Variants in PAGR1 observed in about 807,000 individuals in gnomAD.
The protein encoded by PAGR1 is PAXIP1 associated glutamate rich protein 1, also known as PAXIP1-associated glutamate-rich protein 1.
A neutral mutation model predicts 22.4 loss-of-function variants in PAGR1; 20 were observed. That is an observed-to-expected ratio of 0.89 (90% CI 0.63 to 1.30). PAGR1 has a LOEUF of 1.30. PAGR1 is among the 50% of genes most tolerant of loss of function. The probability of loss-of-function intolerance (pLI) is 0.00; values close to 1 mark genes in which losing one functional copy is unlikely to be tolerated. For synonymous variants in PAGR1, 161 were observed against 148.3 expected, an observed-to-expected ratio of 1.09 and a Z score of -0.62; for missense variants, 338 against 343.6, an observed-to-expected ratio of 0.98 and a Z score of 0.13.
In PAGR1 at chr16:29,821,949, G is replaced by A. The variant is rs1014054862; in HGVS notation, c.*2195G>A. Among the ~76,000 whole-genome samples the A allele has an allele frequency of 4.6e-5, 7 of 152,178 alleles. No individual in the cohort carries two copies. The highest frequency in any genetic ancestry group is 1.2e-4 in the African/African-American group (5 of 41,444). On this transcript the variant is annotated 3_prime_UTR_variant, in exon 3 of 3. Coordinates refer to ENST00000320330, the MANE Select transcript of PAGR1 (RefSeq NM_024516.4). ...GGTTAAGAATTCCAGCCTAGGGCTGGATGCGGTGGCTCAGGCCTGTAATCC... is the reference window on the plus strand; with the variant it reads ...GGTTAAGAATTCCAGCCTAGGGCTGAATGCGGTGGCTCAGGCCTGTAATCC...
chr16:29,821,581 C>T lies in PAGR1; in HGVS notation c.*1827C>T, dbSNP rs1411891310. On this transcript the variant is annotated 3_prime_UTR_variant, in exon 3 of 3. Coordinates refer to ENST00000320330, the MANE Select transcript of PAGR1 (RefSeq NM_024516.4). ...CCATCTGGGCAGTACACAGCCCCAC[C>T]CAGGTCCTCTAGTTCTTGTTCTCGG... Among the ~76,000 whole-genome samples, 1 of 152,182 alleles carries T rather than the reference C, an allele frequency of 6.6e-6. No homozygotes were observed. Among genetic ancestry groups the T allele is most frequent in the East Asian group, 1.9e-4 (1 of 5,196 alleles).
At position 29,816,703 on chromosome 16, in the gene PAGR1, G is replaced by C; in HGVS notation, c.178G>C (p.Glu60Gln). 2 of 1,608,024 alleles carry C rather than the reference G, an allele frequency of 1.2e-6. No homozygotes were observed. The highest frequency in any genetic ancestry group is 2.2e-5 in the South Asian group (2 of 90,838). Residue 60 changes from glutamate to glutamine, a missense_variant, in exon 1 of 3, where the codon GAG becomes CAG. Around this residue, in one of 3 missense-constraint regions of PAGR1, gnomAD observed 235 missense variants for 216.0 expected, o/e 1.09. Transcript: ENST00000320330. ...AGGAGGCCGAGAGGAGACCGAGCGTGAGGGGTCCGGGGGCGAGGAGGCGCA... is the reference window on the plus strand; with the variant it reads ...AGGAGGCCGAGAGGAGACCGAGCGTCAGGGGTCCGGGGGCGAGGAGGCGCA... ...GEGGREETER[E>Q]GSGGEEAQGE...
At chr16:29,819,500 G>A (rs1261189314) in intron 2 of PAGR1, 55 bp from the exon 3 acceptor site, 1 of 1,581,286 alleles carries the variant, frequency 6.3e-7, no homozygotes, top group African/African-American at 1.3e-5. Context: ...GTCCAGGCAG[G>A]TATGGTGTAC....
rs1900332916 is a variant in PAGR1 at position 29,820,076 on chromosome 16, C to T, written c.*322C>T. On this transcript the variant is annotated 3_prime_UTR_variant, in exon 3 of 3. Coordinates refer to ENST00000320330, the MANE Select transcript of PAGR1 (RefSeq NM_024516.4). Reference sequence around the variant, plus strand: ...TATTCAGAGACCTGGACTGAATTTTCTGAGTCTGAAATAAAAGATGCAGAG... The same window carrying T: ...TATTCAGAGACCTGGACTGAATTTTTTGAGTCTGAAATAAAAGATGCAGAG... 2.2e-5 allele frequency: 6 copies of T among 270,890 alleles called. No individual in the cohort carries two copies. In the East Asian group the frequency reaches 4.1e-4, roughly 19 times the overall value. The allele number at this position is 270,890 out of a possible 1,614,324, so 16.8% of individuals were successfully genotyped here. A position where few individuals can be genotyped will look rare whatever the true frequency, so the allele number is the denominator to read the frequency against.
In PAGR1 at chr16:29,816,806, A is replaced by AGGAGGT; in HGVS notation, c.286_291dup (p.Val96_Glu97dup). On this transcript the variant is annotated inframe_insertion, in exon 1 of 3. Coordinates refer to ENST00000320330, the MANE Select transcript of PAGR1 (RefSeq NM_024516.4). ...GACTGGTGCGTGCCCTGCAGCGACGAGGAGGTGGAGCTGCCTGCGGATGGG... is the reference window on the plus strand; with the variant it reads ...GACTGGTGCGTGCCCTGCAGCGACGAGGAGGTGGAGGTGGAGCTGCCTGCGGATGGG... 1 of 1,568,826 alleles carries AGGAGGT rather than the reference A, an allele frequency of 6.4e-7. No individual in the cohort carries two copies. Among genetic ancestry groups the AGGAGGT allele is most frequent in the Non-Finnish European group, 8.6e-7 (1 of 1,157,270 alleles).
chr16:29,818,444 C>T (rs912299675), intron 2 of PAGR1: 1 of 152,232 alleles, frequency 6.6e-6, no homozygotes, highest in Non-Finnish European at 1.5e-5. Flanking sequence ...TCTCCACTTT[C>T]AATACCACAT....
chr16:29,817,468 CTTTTTTTTTT>C (rs753890811), intron 2 of PAGR1, among the ~76,000 whole-genome samples, 176 bp downstream of exon 2: 2 of 122,592 alleles, frequency 1.6e-5, no homozygotes, highest in East Asian at 2.3e-4. Flanking sequence ...CCTTGTCTTC[CTTTTTTTTTT>C]TTTTTTTTTT....
Position 29,819,662 on chromosome 16 carries a change from C to T in PAGR1, c.673C>T (p.Leu225Phe). ...GCAGATCCTTCGTACCGGGAGGGAC[C>T]TCTTCAGCCTGGACTCGGAGGACCC... ...EEQILRTGRD[L>F]FSLDSEDPSP... Residue 225 changes from leucine (L) to phenylalanine (F), a missense_variant, in exon 3 of 3, where the codon CTC becomes TTC. Transcript: ENST00000320330. 1 of 1,614,038 alleles carries T rather than the reference C, an allele frequency of 6.2e-7. No individual in the cohort carries two copies. The highest frequency in any genetic ancestry group is 8.5e-7 in the Non-Finnish European group (1 of 1,180,042).
At chr16:29,819,332 C>A (rs1054790321) in intron 2 of PAGR1, 1 of 575,382 alleles carries the variant, frequency 1.7e-6, no homozygotes, top group African/African-American at 1.9e-5. Flanking sequence ...TTCCCCTGCC[C>A]AGTATGTTCC....
chr16:29,819,891 G>C lies in PAGR1; in HGVS notation c.*137G>C. 1.0e-6 allele frequency: 1 copy of C among 954,996 alleles called. No individual in the cohort carries two copies. Among genetic ancestry groups the C allele is most frequent in the Non-Finnish European group, 1.5e-6 (1 of 659,354 alleles). 59.2% of individuals were successfully genotyped at this position (954,996 alleles called of 1,614,324 possible). A position where few individuals can be genotyped will look rare whatever the true frequency, so the allele number is the denominator to read the frequency against. On this transcript the variant is annotated 3_prime_UTR_variant, in exon 3 of 3. Coordinates refer to ENST00000320330, the MANE Select transcript of PAGR1 (RefSeq NM_024516.4). ...CCCAAACAGCACGTTGCGGGAAAGAGGAAGAGAGAGTGTGAGTGTGTGTGT... is the reference window on the plus strand; with the variant it reads ...CCCAAACAGCACGTTGCGGGAAAGACGAAGAGAGAGTGTGAGTGTGTGTGT...
chr16:29,817,694 G>A (rs1030494519), intron 2 of PAGR1, among the ~76,000 whole-genome samples: 2 of 151,966 alleles, frequency 1.3e-5, no homozygotes, highest in Admixed American at 6.6e-5. Context: ...GGCTGGTCTT[G>A]AATTCCTGAC....
intron 2 of PAGR1, among the ~76,000 whole-genome samples, 176 bp downstream of exon 2, chr16:29,817,468 C>CTTT (rs753890811): frequency 3.1e-4 from 38 of 122,584 alleles, no homozygotes; most frequent in African/African-American, 5.8e-4. Flanking sequence ...CCTTGTCTTC[C>CTTT]TTTTTTTTTT....
chr16:29,819,588 G>A lies in PAGR1; in HGVS notation c.599G>A (p.Arg200His), dbSNP rs1428427144. 6.2e-6 allele frequency: 10 copies of A among 1,613,972 alleles called. No individual in the cohort carries two copies. The highest frequency in any genetic ancestry group is 1.1e-5 in the South Asian group (1 of 91,084). The stretch of plus-strand genomic sequence containing the variant: ...GCCCGGAGCCAGAAACGGGAGGCCC[G>A]CCTGGACAAGGTGCTGTCGGACATG... ...SSARSQKREA[R>H]LDKVLSDMKR... The change falls in exon 3 of 3, where the codon CGC becomes CAC. Residue 200 changes from arginine to histidine, a missense_variant. Coordinates refer to ENST00000320330, the MANE Select transcript of PAGR1 (RefSeq NM_024516.4).
rs934862545 is a variant in PAGR1, at chr16:29,817,368, C to A, written c.565+76C>A. ...TACCCAAGATCGGCTCCCCTAGAGGCCTTTGCTTGCTGCCTCAGCTCCCAC... is the reference window on the plus strand; with the variant it reads ...TACCCAAGATCGGCTCCCCTAGAGGACTTTGCTTGCTGCCTCAGCTCCCAC... On this transcript the variant is annotated intron_variant, in intron 2 of 2. Transcript: ENST00000320330. 5 of 1,407,752 alleles carry A rather than the reference C, an allele frequency of 3.6e-6. No individual in the cohort carries two copies. In the African/African-American group the frequency reaches 4.3e-5, roughly 12 times the overall value. 87.2% of individuals were successfully genotyped at this position (1,407,752 alleles called of 1,614,324 possible).
Position 29,816,628 on chromosome 16 carries a change from G to A in PAGR1, c.103G>A (p.Asp35Asn), listed in dbSNP as rs1238802370. Residue 35 changes from aspartate (D) to asparagine (N), a missense_variant, in exon 1 of 3, where the codon GAT (aspartate) becomes AAT (asparagine). This residue lies in a region of PAGR1 where 235 missense variants were observed against 216.0 expected (regional missense o/e 1.09). Coordinates refer to ENST00000320330, the MANE Select transcript of PAGR1 (RefSeq NM_024516.4). ...CGGCCTCCAGGCTCTGGCCGTGGAG[G>A]ATACCGGAGGCCCCTCTGCCTCGGC... ...TSGLQALAVE[D>N]TGGPSASAGK... 6.5e-7 allele frequency: 1 copy of A among 1,532,196 alleles called. No individual in the cohort carries two copies. The highest frequency in any genetic ancestry group is 2.3e-5 in the East Asian group (1 of 43,888). The allele number at this position is 1,532,196 out of a possible 1,614,324, so 94.9% of individuals were successfully genotyped here. A position where few individuals can be genotyped will look rare whatever the true frequency, so the allele number is the denominator to read the frequency against.
chr16:29,817,435 C>T (rs1295443103), intron 2 of PAGR1, 143 bp downstream of exon 2: 2 of 663,514 alleles, frequency 3.0e-6, no homozygotes, highest in East Asian at 2.9e-5. Flanking sequence ...CCAGTAGCAC[C>T]ATCTTTATGA....
At chr16:29,817,115 A>G in intron 1 of PAGR1, 95 bp from the exon 2 acceptor site, 1 of 1,589,134 alleles carries the variant, frequency 6.3e-7, no homozygotes. Context: ...GGAGGGAGGG[A>G]AGCCAGCGGG....
chr16:29,822,019 A>G lies in PAGR1; in HGVS notation c.*2265A>G, dbSNP rs2067365524. The stretch of plus-strand genomic sequence containing the variant: ...AATGGGAGGATGGCTTGAGGCCAGG[A>G]GTTCCAGACCAGCCTGAGCAACATA... On this transcript the variant is annotated 3_prime_UTR_variant, in exon 3 of 3. Coordinates refer to ENST00000320330, the MANE Select transcript of PAGR1 (RefSeq NM_024516.4). Among the ~76,000 whole-genome samples the G allele has an allele frequency of 1.3e-5, 2 of 151,384 alleles. No homozygotes were observed.
chr16:29,817,442 A>T (rs1900273680), intron 2 of PAGR1, 150 bp downstream of exon 2: 3 of 487,224 alleles, frequency 6.2e-6, no homozygotes, highest in African/African-American at 2.1e-5. Context: ...CACCATCTTT[A>T]TGACTTAGAT....
Sources: allele counts gnomAD v4.1 joint callset (sites outside exome capture counted in the v4.1 genomes callset), GRCh38; gene constraint gnomAD v4.1.1; regional missense constraint gnomAD v4.1.1; transcripts MANE v1.5; gene names NCBI Gene and HGNC (gene_info 2026-07-23, HGNC 2026-07-21).